GLIS3: variants seen among roughly 807,000 people sequenced by gnomAD.
GLIS3 encodes GLIS family zinc finger 3.
GLIS3 carries 53 observed loss-of-function variants against 78.6 expected under a neutral mutation model. The ratio of observed to expected loss-of-function variants is 0.67; its 90% CI spans 0.54 to 0.85. The LOEUF (loss-of-function observed/expected upper bound fraction) is 0.85. Among genes scored for constraint, GLIS3 ranks in the 40% least tolerant of loss-of-function variants. The pLI is 0.00. For synonymous variants in GLIS3, 684 were observed against 509.9 expected (o/e 1.34, Z -4.60); for missense variants, 1,703 against 1,231.1 (o/e 1.38, Z -5.74).
At chr9:3,847,376 T>C (rs1428804469) in intron 9 of GLIS3, among the ~76,000 whole-genome samples, 2 of 152,248 alleles carry the variant, frequency 1.3e-5, no homozygotes, top group African/African-American at 4.8e-5. Context: ...TCTTGTCTTT[T>C]CTTTCTGTTC....
At chr9:4,197,426 C>G (rs1452865261) in intron 2 of GLIS3, among the ~76,000 whole-genome samples, 1 of 152,186 alleles carries the variant, frequency 6.6e-6, no homozygotes, top group Non-Finnish European at 1.5e-5. Context: ...CCACAGCATT[C>G]ACTCTCCTGG....
the GLIS3 span, among the ~76,000 whole-genome samples, chr9:4,413,370 G>C: frequency 3.3e-5 from 5 of 152,050 alleles, no homozygotes; most frequent in African/African-American, 9.7e-5. Context: ...CACATTCTTG[G>C]TCTCTTCCAA....
At chr9:3,869,956 A>C (rs1050242520) in intron 8 of GLIS3, among the ~76,000 whole-genome samples, 12 of 152,336 alleles carry the variant, frequency 7.9e-5, no homozygotes, top group African/African-American at 2.6e-4. Context: ...ACTGAGCTCC[A>C]AAGGCTGGGT....
chr9:4,334,957 G>A (rs190820437), intron 2 of GLIS3, among the ~76,000 whole-genome samples: 94 of 132,912 alleles, frequency 7.1e-4, no homozygotes, highest in Non-Finnish European at 9.5e-4. Flanking sequence ...CACCCAGGCT[G>A]GAGTGCAGTG....
chr9:4,330,485 G>T (rs1202020993), intron 2 of GLIS3, among the ~76,000 whole-genome samples: 7 of 152,234 alleles, frequency 4.6e-5, no homozygotes, highest in African/African-American at 1.7e-4. Context: ...GACCCAGTCA[G>T]TCAAAGATCC....
intron 2 of GLIS3, among the ~76,000 whole-genome samples, chr9:4,153,208 T>A (rs1435054108): frequency 6.6e-6 from 1 of 152,218 alleles, no homozygotes; most frequent in Non-Finnish European, 1.5e-5. Flanking sequence ...CCTTATTCAC[T>A]ACCTTGACAA....
chr9:4,230,481 G>C (rs938883068), intron 2 of GLIS3, among the ~76,000 whole-genome samples: 23 of 152,254 alleles, frequency 1.5e-4, no homozygotes, highest in African/African-American at 5.5e-4. Context: ...GTAAAAGAAA[G>C]CGATAGAAAA....
At chr9:4,165,156 C>T (rs932284705) in intron 2 of GLIS3, among the ~76,000 whole-genome samples, 3 of 152,098 alleles carry the variant, frequency 2.0e-5, no homozygotes, top group African/African-American at 7.2e-5. Context: ...CAACATCATT[C>T]CTGGCCGAGC....
At chr9:4,280,157 C>G (rs984588205) in intron 2 of GLIS3, among the ~76,000 whole-genome samples, 5 of 152,162 alleles carry the variant, frequency 3.3e-5, no homozygotes, top group Non-Finnish European at 7.4e-5. Flanking sequence ...ATAGCTGCGT[C>G]AACAGGCACA....
the GLIS3 span, among the ~76,000 whole-genome samples, chr9:4,385,797 GAA>G: frequency 2.2e-3 from 161 of 73,334 alleles, 6 homozygotes; most frequent in African/African-American, 7.0e-3. Flanking sequence ...AAGAAAGAAA[GAA>G]AGAAAGAAAG....
the GLIS3 span, among the ~76,000 whole-genome samples, chr9:4,353,993 AT>A: frequency 0.45 from 61,206 of 135,676 alleles, 14,210 homozygotes; most frequent in Non-Finnish European, 0.54. Context: ...ACACCCGGCT[AT>A]TTTTTTTTTT....
At chr9:4,315,306 C>G (rs1817421229) in intron 2 of GLIS3, among the ~76,000 whole-genome samples, 1 of 152,166 alleles carries the variant, frequency 6.6e-6, no homozygotes. Flanking sequence ...TCATGCCTAT[C>G]TCCTACACAA....
intron 6 of GLIS3, among the ~76,000 whole-genome samples, chr9:3,931,173 G>T (rs1825587181): frequency 6.6e-6 from 1 of 151,922 alleles, no homozygotes; most frequent in Non-Finnish European, 1.5e-5. Flanking sequence ...ATGCAATTAA[G>T]ACTATCTATC....
chr9:4,475,540 C>T, the GLIS3 span, among the ~76,000 whole-genome samples: 1 of 152,180 alleles, frequency 6.6e-6, no homozygotes. Context: ...GATACACCCA[C>T]ACAGTGTAGT....
At chr9:4,282,449 C>T (rs1345790378) in intron 2 of GLIS3, among the ~76,000 whole-genome samples, 1 of 152,120 alleles carries the variant, frequency 6.6e-6, no homozygotes. Flanking sequence ...CAAGGTTGAC[C>T]CTCGCCCCCG....
chr9:3,900,238 T>C (rs1485636612), intron 6 of GLIS3, among the ~76,000 whole-genome samples: 2 of 151,744 alleles, frequency 1.3e-5, no homozygotes, highest in Non-Finnish European at 2.9e-5. Context: ...TGAAAAATGT[T>C]TGCACACTTG....
intron 4 of GLIS3, 128 bp from the exon 5 acceptor site, chr9:3,937,317 C>G: frequency 4.3e-6 from 4 of 938,776 alleles, no homozygotes; most frequent in Non-Finnish European, 6.6e-6. Flanking sequence ...CAAATCCAAA[C>G]AGTAATAAAT....
intron 2 of GLIS3, among the ~76,000 whole-genome samples, chr9:4,317,614 C>T (rs937424222): frequency 5.3e-5 from 8 of 152,166 alleles, no homozygotes; most frequent in African/African-American, 9.7e-5. Context: ...TTATATGATA[C>T]CTATTTTCAT....
chr9:4,376,397 C>G, the GLIS3 span, among the ~76,000 whole-genome samples: 1 of 152,158 alleles, frequency 6.6e-6, no homozygotes, highest in Admixed American at 6.6e-5. Flanking sequence ...AGACATTATT[C>G]AGTTTAAAAA....
Sources: allele counts gnomAD v4.1 joint callset (sites outside exome capture counted in the v4.1 genomes callset), GRCh38; gene constraint gnomAD v4.1.1; transcripts MANE v1.5; gene names NCBI Gene and HGNC (gene_info 2026-07-23, HGNC 2026-07-21).